SYNDIG1: variants seen among roughly 807,000 people sequenced by gnomAD.
The protein encoded by SYNDIG1 is synapse differentiation-inducing gene protein 1.
A neutral mutation model predicts 19.4 loss-of-function variants in SYNDIG1; 9 were observed. That is an observed-to-expected ratio of 0.46 (90% CI 0.28 to 0.81). The LOEUF is 0.81. Among genes scored for constraint, SYNDIG1 ranks in the 30% least tolerant of loss-of-function variants. The pLI, the probability that SYNDIG1 is intolerant of heterozygous loss-of-function variation, is 0.12. For missense variants in SYNDIG1, 311 were observed against 343.3 expected (o/e 0.91, Z 0.74); for synonymous variants, 141 against 145.9 (o/e 0.97, Z 0.24).
chr20:24,665,337 A>G lies in SYNDIG1; in HGVS notation c.619-9A>G. 1.3e-6 allele frequency: 2 copies of G among 1,590,336 alleles called. No individual in the cohort carries two copies. Among genetic ancestry groups the G allele is most frequent in the South Asian group, 1.1e-5 (1 of 87,562 alleles). ...ACAATGACTTCCTTTTTCTTCTCCAACTCTGCAGACCAACAAAGCCGTGGC... is the reference window on the plus strand; with the variant it reads ...ACAATGACTTCCTTTTTCTTCTCCAGCTCTGCAGACCAACAAAGCCGTGGC... On this transcript the variant is annotated splice_polypyrimidine_tract_variant and intron_variant, in intron 3 of 3. Transcript: ENST00000376862.
chr20:24,583,499 C>CAGA (rs1194549590), intron 2 of SYNDIG1, among the ~76,000 whole-genome samples: 1 of 152,232 alleles, frequency 6.6e-6, no homozygotes, highest in East Asian at 1.9e-4. Flanking sequence ...AAAACAATAT[C>CAGA]TGGAATAAGA....
intron 1 of SYNDIG1, among the ~76,000 whole-genome samples, chr20:24,484,704 A>G (rs2055907597): frequency 6.6e-6 from 1 of 152,218 alleles, no homozygotes; most frequent in East Asian, 1.9e-4. Flanking sequence ...CTTGCCCTAC[A>G]CACAATAGGT....
In SYNDIG1 at chr20:24,665,711, C is replaced by A. The variant is rs367953868; in HGVS notation, c.*207C>A. 1.6e-6 allele frequency: 1 copy of A among 607,018 alleles called. No homozygotes were observed. Among genetic ancestry groups the A allele is most frequent in the African/African-American group, 1.9e-5 (1 of 51,372 alleles). The allele number at this position is 607,018 out of a possible 1,614,324, so 37.6% of individuals were successfully genotyped here. A position where few individuals can be genotyped will look rare whatever the true frequency, so the allele number is the denominator to read the frequency against. ...TAGAGCACCAGACAGACGGGCACTG[C>A]TAATCCTTCCAAAGGAAAGCTCCAA... On this transcript the variant is annotated 3_prime_UTR_variant, in exon 4 of 4. Transcript: ENST00000376862.
intron 3 of SYNDIG1, among the ~76,000 whole-genome samples, chr20:24,652,599 T>A (rs140268320): frequency 7.4e-4 from 112 of 152,316 alleles, no homozygotes; most frequent in African/African-American, 2.6e-3. Flanking sequence ...AATGGAAACA[T>A]GACAAAGCAA....
At chr20:24,503,495 G>T (rs1404406889) in intron 1 of SYNDIG1, among the ~76,000 whole-genome samples, 1 of 152,150 alleles carries the variant, frequency 6.6e-6, no homozygotes, top group African/African-American at 2.4e-5. Context: ...TAGACCAGGG[G>T]CTCAGGAGAA....
chr20:24,585,892 C>T (rs2058409656), intron 3 of SYNDIG1, among the ~76,000 whole-genome samples: 1 of 152,184 alleles, frequency 6.6e-6, no homozygotes, highest in Non-Finnish European at 1.5e-5. Context: ...ACAGAGGGTC[C>T]CTCTCCAGCT....
At chr20:24,614,174 T>C (rs1341202535) in intron 3 of SYNDIG1, among the ~76,000 whole-genome samples, 1 of 152,196 alleles carries the variant, frequency 6.6e-6, no homozygotes, top group Non-Finnish European at 1.5e-5. Flanking sequence ...TGGCTAATTT[T>C]TAAATTTTTT....
chr20:24,530,575 T>C (rs1445260920), intron 1 of SYNDIG1, among the ~76,000 whole-genome samples: 1 of 152,210 alleles, frequency 6.6e-6, no homozygotes, highest in African/African-American at 2.4e-5. Context: ...CTTGGTGAAT[T>C]ACACGTATCA....
At chr20:24,634,235 G>A (rs977222785) in intron 3 of SYNDIG1, among the ~76,000 whole-genome samples, 1 of 152,168 alleles carries the variant, frequency 6.6e-6, no homozygotes, top group Admixed American at 6.5e-5. Context: ...TTCACATAAT[G>A]TAAATACTTC....
chr20:24,516,578 C>CA (rs763981768), intron 1 of SYNDIG1, among the ~76,000 whole-genome samples: 48 of 152,236 alleles, frequency 3.2e-4, no homozygotes, highest in Non-Finnish European at 5.9e-4. Context: ...TGCTCATCAT[C>CA]ACTGGCCATC....
At chr20:24,532,958 G>T (rs1291111251) in intron 1 of SYNDIG1, among the ~76,000 whole-genome samples, 1 of 152,168 alleles carries the variant, frequency 6.6e-6, no homozygotes, top group Non-Finnish European at 1.5e-5. Flanking sequence ...TCATTTTCTT[G>T]GAAAGGGGTT....
chr20:24,605,959 AT>A (rs1443590240), intron 3 of SYNDIG1, among the ~76,000 whole-genome samples: 2 of 152,230 alleles, frequency 1.3e-5, no homozygotes, highest in East Asian at 3.8e-4. Flanking sequence ...AGCTTTTAGA[AT>A]TTAGCATGCC....
At chr20:24,618,027 C>G (rs937366893) in intron 3 of SYNDIG1, among the ~76,000 whole-genome samples, 19 of 115,666 alleles carry the variant, frequency 1.6e-4, no homozygotes, top group African/African-American at 6.6e-4. Flanking sequence ...GAGAGAGAGC[C>G]CGGGGAGTGG....
chr20:24,470,663 A>C (rs1402491443), intron 1 of SYNDIG1, among the ~76,000 whole-genome samples: 1 of 152,196 alleles, frequency 6.6e-6, no homozygotes, highest in Non-Finnish European at 1.5e-5. Context: ...CGCTTTTTGC[A>C]AGACCCTACT....
intron 1 of SYNDIG1, among the ~76,000 whole-genome samples, chr20:24,488,385 G>T (rs1425017248): frequency 1.3e-5 from 2 of 152,224 alleles, no homozygotes; most frequent in African/African-American, 4.8e-5. Context: ...TGCCTTGTGG[G>T]GTGCCCCCAC....
intron 3 of SYNDIG1, among the ~76,000 whole-genome samples, chr20:24,639,497 G>T (rs565851794): frequency 6.6e-6 from 1 of 152,328 alleles, no homozygotes; most frequent in East Asian, 1.9e-4. Flanking sequence ...GAGACAGCCT[G>T]CTGTCCCTGC....
chr20:24,605,733 T>G (rs2058748484), intron 3 of SYNDIG1, among the ~76,000 whole-genome samples: 1 of 152,182 alleles, frequency 6.6e-6, no homozygotes, highest in Admixed American at 6.5e-5. Context: ...GTCTTGGTAA[T>G]TAGCATCTTG....
chr20:24,516,308 C>A (rs2056863081), intron 1 of SYNDIG1, among the ~76,000 whole-genome samples: 1 of 152,130 alleles, frequency 6.6e-6, no homozygotes, highest in South Asian at 2.1e-4. Context: ...AAAGCAATGG[C>A]AACAAAAGCC....
At chr20:24,621,200 A>G (rs1005381388) in intron 3 of SYNDIG1, among the ~76,000 whole-genome samples, 2 of 152,254 alleles carry the variant, frequency 1.3e-5, no homozygotes, top group African/African-American at 2.4e-5. Context: ...AACTGTCTCA[A>G]CAAAAGAGAG....
Sources: gnomAD v4.1 joint callset for allele counts (sites outside exome capture counted in the v4.1 genomes callset) on GRCh38, gnomAD v4.1.1 for gene constraint, MANE v1.5 for transcripts, NCBI Gene and HGNC (gene_info 2026-07-23, HGNC 2026-07-21) for gene names.